Variants in RAB6A observed in about 807,000 individuals in gnomAD.
RAB6A encodes the protein RAB6A, member RAS oncogene family.
Under a neutral mutation model 32.3 loss-of-function variants are expected in RAB6A, and 8 were observed. The ratio of observed to expected loss-of-function variants is 0.25; its 90% confidence interval spans 0.15 to 0.45. The LOEUF (loss-of-function observed/expected upper bound fraction) is 0.45. Ranked by LOEUF, RAB6A falls within the 20% of genes least tolerant of loss-of-function variation. The pLI is 1.00. For missense variants in RAB6A, 104 were observed against 249.4 expected (o/e 0.42, Z 3.93); for synonymous variants, 73 against 82.1 (o/e 0.89, Z 0.60).
chr11:73,684,406 T>A (rs1945408470), intron 6 of RAB6A, among the ~76,000 whole-genome samples: 1 of 152,188 alleles, frequency 6.6e-6, no homozygotes. Flanking sequence ...TGACCTCAAG[T>A]GATCCACGCA....
chr11:73,760,102 G>A (rs530130770), intron 1 of RAB6A: 1 of 1,291,166 alleles, frequency 7.7e-7, no homozygotes, highest in South Asian at 1.2e-5. Context: ...ACAACGCCCA[G>A]ATCCCACCCT....
intron 1 of RAB6A, among the ~76,000 whole-genome samples, chr11:73,742,187 C>G (rs1565375827): frequency 6.6e-6 from 1 of 152,092 alleles, no homozygotes; most frequent in South Asian, 2.1e-4. Context: ...GAGGCTGAGG[C>G]AGGAGAATTG....
At chr11:73,739,284 A>AAAAATATATATATATAT (rs1208877325) in intron 1 of RAB6A, among the ~76,000 whole-genome samples, 2 of 6,762 alleles carry the variant, frequency 3.0e-4, no homozygotes, top group Non-Finnish European at 6.8e-4. Flanking sequence ...AAAAAAAAAA[A>AAAAATATATATATATAT]ATATATATAT....
intron 2 of RAB6A, among the ~76,000 whole-genome samples, chr11:73,726,853 G>A (rs772680359): frequency 5.3e-5 from 8 of 151,824 alleles, no homozygotes; most frequent in Admixed American, 1.3e-4. Flanking sequence ...GTGAACCACC[G>A]GAGTAGAAAC....
rs1177074067 is a variant in RAB6A at position 73,676,909 on chromosome 11, TA to T, written c.*988del. ...TTCCACTGGTTCTTCTGGAAGGAAT[TA>T]AAACTTTTACAGTGCCTTGCCTGCA... is the stretch of plus-strand genomic sequence containing the variant. On this transcript the variant is annotated 3_prime_UTR_variant, in exon 8 of 8. Coordinates refer to ENST00000336083, the MANE Select transcript of RAB6A (RefSeq NM_198896.2). 1.0e-4 allele frequency: 17 copies of T among 166,884 alleles called. No homozygotes were observed. The highest frequency in any genetic ancestry group is 3.9e-4 in the African/African-American group (16 of 41,456). The allele number at this position is 166,884 out of a possible 1,614,324, so 10.3% of individuals were successfully genotyped here. A position where few individuals can be genotyped will look rare whatever the true frequency, so the allele number is the denominator to read the frequency against.
intron 6 of RAB6A, among the ~76,000 whole-genome samples, chr11:73,698,036 A>AG (rs1945682095): frequency 6.6e-6 from 1 of 152,172 alleles, no homozygotes. Flanking sequence ...CCTGGCCAAC[A>AG]TGGCAAAACT....
At chr11:73,720,285 A>T (rs560548448) in intron 3 of RAB6A, among the ~76,000 whole-genome samples, 44 of 150,250 alleles carry the variant, frequency 2.9e-4, no homozygotes, top group Non-Finnish European at 5.2e-4. Context: ...GATTCAAGCG[A>T]TTCTCCTGCC....
At position 73,685,312 on chromosome 11, in the gene RAB6A, G is replaced by A. The variant is rs530783777; in HGVS notation, c.496-5592C>T. On this transcript the variant is annotated intron_variant, in intron 6 of 7. Transcript: ENST00000336083. ...TTTTTTTTTTTTTTTTTTTTGAGAC[G>A]GAGTCTCGCTCTGTTGCCCAGGCTG... 4.6e-3 allele frequency among the ~76,000 whole-genome samples: 559 copies of A among 120,752 alleles called. 2 individuals carry two copies. The highest frequency in any genetic ancestry group is 7.4e-3 in the Non-Finnish European group (447 of 60,126). 79.2% of individuals were successfully genotyped at this position (120,752 alleles called of 152,430 possible).
chr11:73,731,724 A>ATTTTCTTTTTTTTTTAGACAGTC (rs1472358703), intron 1 of RAB6A, among the ~76,000 whole-genome samples: 1 of 9,660 alleles, frequency 1.0e-4, no homozygotes, highest in Non-Finnish European at 2.4e-4. Flanking sequence ...ATATATATAT[A>ATTTTCTTTTTTTTTTAGACAGTC]TATATATACA....
Position 73,677,311 on chromosome 11 carries a change from G to A in RAB6A, c.*587C>T, listed in dbSNP as rs1056593962. 22 of 168,692 alleles carry A rather than the reference G, an allele frequency of 1.3e-4. No homozygotes were observed. The highest frequency in any genetic ancestry group is 5.7e-4 in the East Asian group (3 of 5,218). 10.4% of individuals were successfully genotyped at this position (168,692 alleles called of 1,614,324 possible). On this transcript the variant is annotated 3_prime_UTR_variant, in exon 8 of 8. Transcript: ENST00000336083. ...CTGAATTTTGACCTCAAAGAAGACC[G>A]TAATTTATATCAGTGCTCAAGAATA... is the stretch of plus-strand genomic sequence containing the variant.
intron 1 of RAB6A, among the ~76,000 whole-genome samples, chr11:73,735,594 G>A (rs953974432): frequency 6.6e-6 from 1 of 152,110 alleles, no homozygotes; most frequent in African/African-American, 2.4e-5. Flanking sequence ...ACTTTAGCTA[G>A]AAGAAAAAGA....
intron 1 of RAB6A, among the ~76,000 whole-genome samples, chr11:73,738,985 G>A (rs1271197930): frequency 6.7e-6 from 1 of 149,774 alleles, no homozygotes; most frequent in Non-Finnish European, 1.5e-5. Flanking sequence ...ACTAATATTG[G>A]GGCTGGGCAC....
chr11:73,750,347 C>CT (rs1474922161), intron 1 of RAB6A, among the ~76,000 whole-genome samples: 8 of 151,396 alleles, frequency 5.3e-5, no homozygotes, highest in Admixed American at 2.0e-4. Context: ...GATTTCCTTC[C>CT]CTTTTTTTTT....
At chr11:73,679,570 G>T in intron 7 of RAB6A, 84 bp downstream of exon 7, 2 of 1,526,100 alleles carry the variant, frequency 1.3e-6, no homozygotes, top group South Asian at 1.1e-5. Flanking sequence ...AAAAGGCAAT[G>T]GCACAATATT....
chr11:73,680,795 G>A (rs376296936), intron 6 of RAB6A, among the ~76,000 whole-genome samples: 1 of 152,208 alleles, frequency 6.6e-6, no homozygotes, highest in Non-Finnish European at 1.5e-5. Flanking sequence ...GTCCAACACA[G>A]CTGGCTTTTC....
chr11:73,731,050 T>C (rs962595999), intron 1 of RAB6A, among the ~76,000 whole-genome samples: 8 of 152,202 alleles, frequency 5.3e-5, no homozygotes, highest in Non-Finnish European at 7.3e-5. Context: ...TAGTTAAAAG[T>C]TGAAAACATT....
chr11:73,705,510 T>G (rs559914902), intron 6 of RAB6A, among the ~76,000 whole-genome samples: 1 of 152,204 alleles, frequency 6.6e-6, no homozygotes, highest in South Asian at 2.1e-4. Context: ...ATTGCACCAC[T>G]GCACTCAGCC....
rs1256343627 is a variant in RAB6A, at chr11:73,692,149, T to A, written c.496-12429A>T. ...TCAGAGAGCTTATTTTCATATCAAGTCAAAGAAAATCTGGCAATACTTATG... is the reference window on the plus strand; with the variant it reads ...TCAGAGAGCTTATTTTCATATCAAGACAAAGAAAATCTGGCAATACTTATG... On this transcript the variant is annotated intron_variant, in intron 6 of 7. Transcript: ENST00000336083. Among the ~76,000 whole-genome samples, 7 of 151,874 alleles carry A rather than the reference T, an allele frequency of 4.6e-5. No individual in the cohort carries two copies. In the South Asian group the frequency reaches 1.2e-3, roughly 27 times the overall value.
chr11:73,696,894 C>T (rs1015920450), intron 6 of RAB6A, among the ~76,000 whole-genome samples: 2 of 151,986 alleles, frequency 1.3e-5, no homozygotes, highest in East Asian at 1.9e-4. Flanking sequence ...CATGAGCCAT[C>T]GTGCCTGGCC....
Sources: allele counts gnomAD v4.1 joint callset (sites outside exome capture counted in the v4.1 genomes callset), GRCh38; gene constraint gnomAD v4.1.1; transcripts MANE v1.5; gene names NCBI Gene and HGNC (gene_info 2026-07-23, HGNC 2026-07-21).